The following ST7 variants were observed in gnomAD, a reference collection of about 807,000 sequenced individuals.
The protein encoded by ST7 is suppression of tumorigenicity 7, also known as suppressor of tumorigenicity 7 protein.
Under a neutral mutation model 78.7 loss-of-function variants are expected in ST7, and 28 were observed. That is an observed-to-expected ratio of 0.36 (90% CI 0.26 to 0.49). The LOEUF is 0.49. ST7 is among the 20% of genes least tolerant of loss of function. The probability of loss-of-function intolerance (pLI) is 0.99; values close to 1 mark genes in which losing one functional copy is unlikely to be tolerated. For missense variants in ST7, 418 were observed against 696.0 expected, an observed-to-expected ratio of 0.60 and a Z score of 4.49; for synonymous variants, 247 against 249.6, an observed-to-expected ratio of 0.99 and a Z score of 0.10.
At chr7:116,999,891 A>G (rs1794845228) in intron 1 of ST7, among the ~76,000 whole-genome samples, 1 of 146,602 alleles carries the variant, frequency 6.8e-6, no homozygotes, top group Admixed American at 7.2e-5. Context: ...GCTCACTGCA[A>G]GCTTCATCTC....
At chr7:117,097,950 C>A in intron 1 of ST7, among the ~76,000 whole-genome samples, 1 of 105,542 alleles carries the variant, frequency 9.5e-6, no homozygotes, top group African/African-American at 3.4e-5. Flanking sequence ...AAAGCCTCCT[C>A]AACTCAACTG....
At chr7:117,154,099 A>G (rs1806497395) in intron 9 of ST7, among the ~76,000 whole-genome samples, 1 of 152,196 alleles carries the variant, frequency 6.6e-6, no homozygotes, top group Non-Finnish European at 1.5e-5. Context: ...CCCCAAATTC[A>G]TATGCCAAAG....
At chr7:117,056,292 T>C (rs796322716) in intron 1 of ST7, among the ~76,000 whole-genome samples, 8 of 152,318 alleles carry the variant, frequency 5.3e-5, no homozygotes, top group African/African-American at 1.9e-4. Flanking sequence ...TGTGCAGTGC[T>C]GCTGAGTATA....
intron 1 of ST7, among the ~76,000 whole-genome samples, chr7:117,031,840 CTATATCTATATCTA>C (rs869118473): frequency 0.017 from 1,806 of 106,880 alleles, 173 homozygotes; most frequent in African/African-American, 0.056. Flanking sequence ...ATATCTATAT[CTATATCTATATCTA>C]TATCTATCTA....
intron 12 of ST7, among the ~76,000 whole-genome samples, chr7:117,203,964 C>G (rs1259437797): frequency 6.6e-6 from 1 of 152,150 alleles, no homozygotes; most frequent in Non-Finnish European, 1.5e-5. Context: ...GCAAAGTAAC[C>G]GATGAACAGA....
chr7:117,227,500 T>G (rs1381143182), intron 15 of ST7, among the ~76,000 whole-genome samples: 1 of 152,174 alleles, frequency 6.6e-6, no homozygotes, highest in Admixed American at 6.5e-5. Flanking sequence ...GATGCTGTGG[T>G]TTGTGGAGCC....
At chr7:117,200,495 A>G (rs1810720264) in intron 12 of ST7, among the ~76,000 whole-genome samples, 1 of 152,118 alleles carries the variant, frequency 6.6e-6, no homozygotes, top group Admixed American at 6.5e-5. Context: ...GCCAGCACCA[A>G]TGGGGGATAG....
At chr7:117,034,107 A>G (rs1216375310) in intron 1 of ST7, among the ~76,000 whole-genome samples, 1 of 151,810 alleles carries the variant, frequency 6.6e-6, no homozygotes, top group Non-Finnish European at 1.5e-5. Context: ...ATGCCCTGCT[A>G]ATATTTTATT....
At chr7:117,071,151 G>A (rs932613684) in intron 1 of ST7, among the ~76,000 whole-genome samples, 14 of 152,090 alleles carry the variant, frequency 9.2e-5, no homozygotes, top group Non-Finnish European at 1.9e-4. Context: ...CCCGGGAGGC[G>A]GAGCTTGCAG....
chr7:117,185,259 C>T (rs1008877791), intron 10 of ST7, among the ~76,000 whole-genome samples: 3 of 152,216 alleles, frequency 2.0e-5, no homozygotes, highest in Non-Finnish European at 2.9e-5. Context: ...TCCAGACTGA[C>T]AGCACCTCAT....
chr7:117,077,237 G>A (rs1022256482), intron 1 of ST7, among the ~76,000 whole-genome samples: 11 of 152,132 alleles, frequency 7.2e-5, no homozygotes, highest in African/African-American at 2.7e-4. Context: ...TGCGGGGTGG[G>A]GCAGACCATG....
chr7:116,957,792 G>C (rs763462457), intron 1 of ST7, among the ~76,000 whole-genome samples: 18 of 152,308 alleles, frequency 1.2e-4, no homozygotes, highest in Non-Finnish European at 2.2e-4. Flanking sequence ...TCTACCCTAT[G>C]TTATAAAGTT....
At chr7:117,024,675 A>T (rs1437884261) in intron 1 of ST7, among the ~76,000 whole-genome samples, 1 of 152,128 alleles carries the variant, frequency 6.6e-6, no homozygotes, top group Non-Finnish European at 1.5e-5. Context: ...AGAACCAACA[A>T]AGCTTTAGTA....
intron 1 of ST7, among the ~76,000 whole-genome samples, chr7:117,025,186 C>T (rs1796125455): frequency 6.6e-6 from 1 of 152,056 alleles, no homozygotes; most frequent in Non-Finnish European, 1.5e-5. Flanking sequence ...TGAGATTAAA[C>T]TTGGGCCTGT....
At chr7:117,050,214 CAAA>C (rs201920808) in intron 1 of ST7, among the ~76,000 whole-genome samples, 2 of 111,892 alleles carry the variant, frequency 1.8e-5, no homozygotes, top group African/African-American at 3.5e-5. Context: ...GACTCCGTCT[CAAA>C]AAAAAAAAAA....
intron 9 of ST7, among the ~76,000 whole-genome samples, chr7:117,139,447 A>G (rs1293348383): frequency 6.6e-6 from 1 of 152,192 alleles, no homozygotes; most frequent in African/African-American, 2.4e-5. Context: ...AGGACTGCAC[A>G]CTTGGTGAGC....
chr7:117,179,628 T>C (rs1427836242), intron 10 of ST7, among the ~76,000 whole-genome samples: 1 of 151,690 alleles, frequency 6.6e-6, no homozygotes, highest in East Asian at 1.9e-4. Flanking sequence ...GAATTGTCTG[T>C]ATCCCTTAGA....
chr7:116,990,384 C>T (rs981555392), intron 1 of ST7, among the ~76,000 whole-genome samples: 1 of 152,068 alleles, frequency 6.6e-6, no homozygotes, highest in African/African-American at 2.4e-5. Flanking sequence ...TTGACTAGCT[C>T]TGCTTGTGCC....
chr7:117,126,721 G>A (rs967397383), intron 3 of ST7, among the ~76,000 whole-genome samples: 1 of 151,796 alleles, frequency 6.6e-6, no homozygotes, highest in Non-Finnish European at 1.5e-5. Flanking sequence ...AGGGAATAGT[G>A]AGAGGGAGGG....
Sources: allele counts gnomAD v4.1 joint callset (sites outside exome capture counted in the v4.1 genomes callset), GRCh38; gene constraint gnomAD v4.1.1; transcripts MANE v1.5; gene names NCBI Gene and HGNC (gene_info 2026-07-23, HGNC 2026-07-21).